Variants in CHST8 observed in about 807,000 individuals in gnomAD.
The protein encoded by CHST8 is carbohydrate sulfotransferase 8.
Under a neutral mutation model 15.0 loss-of-function variants are expected in CHST8, and 10 were observed. That is an observed-to-expected ratio of 0.67 (90% CI 0.41 to 1.13). CHST8 has a LOEUF of 1.13. Ranked by LOEUF, CHST8 falls within the 50% of genes most tolerant of loss-of-function variation. CHST8 has a pLI of 0.00. For synonymous variants in CHST8, 259 were observed against 256.6 expected (o/e 1.01, Z -0.09); for missense variants, 634 against 608.2 (o/e 1.04, Z -0.45).
chr19:33,755,215 C>T (rs749787393), intron 3 of CHST8, among the ~76,000 whole-genome samples: 6 of 151,602 alleles, frequency 4.0e-5, no homozygotes, highest in Non-Finnish European at 2.9e-5. Flanking sequence ...ATGCCCCTGT[C>T]AAAGCTCCCA....
intron 2 of CHST8, among the ~76,000 whole-genome samples, chr19:33,675,867 A>C (rs1198187900): frequency 6.6e-6 from 1 of 152,192 alleles, no homozygotes; most frequent in Non-Finnish European, 1.5e-5. Flanking sequence ...TTGAACCGGG[A>C]AGCATTGTTC....
At chr19:33,707,223 T>C (rs375238934) in intron 3 of CHST8, among the ~76,000 whole-genome samples, 11 of 152,292 alleles carry the variant, frequency 7.2e-5, no homozygotes, top group Admixed American at 5.9e-4. Flanking sequence ...CGGCTAACTT[T>C]CCAATTTTTC....
At chr19:33,694,956 C>T (rs1294549112) in intron 3 of CHST8, among the ~76,000 whole-genome samples, 4 of 103,518 alleles carry the variant, frequency 3.9e-5, no homozygotes, top group African/African-American at 1.3e-4. Flanking sequence ...CCCTTCTGTT[C>T]CCTTCCCTTC....
intron 3 of CHST8, among the ~76,000 whole-genome samples, chr19:33,695,831 T>C (rs1299051231): frequency 2.8e-5 from 4 of 142,920 alleles, no homozygotes; most frequent in East Asian, 2.0e-4. Flanking sequence ...CTTTTTTTTT[T>C]TTTTTTTTTT....
At position 33,773,289 on chromosome 19, in the gene CHST8, A is replaced by T; in HGVS notation, c.*226A>T. The T allele has an allele frequency of 1.7e-6, 1 of 579,954 alleles. No homozygotes were observed. The highest frequency in any genetic ancestry group is 3.0e-6 in the Non-Finnish European group (1 of 331,204). 35.9% of individuals were successfully genotyped at this position (579,954 alleles called of 1,614,324 possible). Reference sequence around the variant, plus strand: ...TGTTTCCTCATTCCTTGGCTGAGGGAGAGGCTGAGAACTGGGCAGACACCC... The same window carrying T: ...TGTTTCCTCATTCCTTGGCTGAGGGTGAGGCTGAGAACTGGGCAGACACCC... On this transcript the variant is annotated 3_prime_UTR_variant, in exon 5 of 5. Transcript: ENST00000650847.
intron 1 of CHST8, among the ~76,000 whole-genome samples, chr19:33,627,104 G>GT (rs1186664713): frequency 7.5e-5 from 9 of 120,730 alleles, no homozygotes; most frequent in Non-Finnish European, 1.6e-4. Context: ...TTTTTGGGGG[G>GT]GGGGCGGGTG....
chr19:33,772,689 C>A lies in CHST8; in HGVS notation c.901C>A (p.Arg301=). The A allele has an allele frequency of 6.2e-7, 1 of 1,613,632 alleles. No homozygotes were observed. Among genetic ancestry groups the A allele is most frequent in the Non-Finnish European group, 8.5e-7 (1 of 1,180,020 alleles). Residue 301 remains arginine (R), a synonymous_variant, in exon 5 of 5, where the codon CGG becomes AGG. Coordinates refer to ENST00000650847, the MANE Select transcript of CHST8 (RefSeq NM_001127895.2). ...CGCCAATGCCTCTCGGGAGGCCCTG[C>A]GGACCGGCTCTGGGGTGCGTTTTCC... ...YRANASREAL[R]TGSGVRFPEF...
chr19:33,694,930 CCCCTCCCCTCCCTTCCCCTTCTGTT>C (rs150236599), intron 3 of CHST8, among the ~76,000 whole-genome samples: 19,642 of 146,658 alleles, frequency 0.13, 1,386 homozygotes, highest in South Asian at 0.17. Context: ...CCCTTCCCCT[CCCCTCCCCTCCCTTCCCCTTCTGTT>C]CCCTTCCCTT....
chr19:33,672,646 G>A (rs1206221892), intron 2 of CHST8, among the ~76,000 whole-genome samples: 5 of 152,192 alleles, frequency 3.3e-5, no homozygotes, highest in South Asian at 2.1e-4. Context: ...CCGGGCAGTC[G>A]GGGCCCACAC....
intron 3 of CHST8, among the ~76,000 whole-genome samples, chr19:33,743,126 C>T (rs1385065888): frequency 6.6e-6 from 1 of 152,036 alleles, no homozygotes; most frequent in Non-Finnish European, 1.5e-5. Flanking sequence ...CAACATATGC[C>T]CCCTGATCCT....
At chr19:33,716,560 G>A (rs1373875204) in intron 3 of CHST8, among the ~76,000 whole-genome samples, 1 of 152,114 alleles carries the variant, frequency 6.6e-6, no homozygotes, top group African/African-American at 2.4e-5. Context: ...TAGAGACAAG[G>A]TCTTACTCTG....
chr19:33,668,362 A>G (rs2145229206), intron 2 of CHST8, among the ~76,000 whole-genome samples: 1 of 152,174 alleles, frequency 6.6e-6, no homozygotes, highest in Non-Finnish European at 1.5e-5. Context: ...TTCATCATGG[A>G]GCTGGGGGAA....
At chr19:33,635,610 G>C (rs940680268) in intron 1 of CHST8, among the ~76,000 whole-genome samples, 2 of 151,994 alleles carry the variant, frequency 1.3e-5, no homozygotes, top group African/African-American at 4.8e-5. Context: ...AAAGATGGGT[G>C]GGGGGGTGAC....
At chr19:33,670,350 C>T (rs76986698) in intron 2 of CHST8, among the ~76,000 whole-genome samples, 4,746 of 152,204 alleles carry the variant, frequency 0.031, 145 homozygotes, top group African/African-American at 0.088. Flanking sequence ...TGAAGTTTAC[C>T]GTATTTTTAA....
At chr19:33,723,196 T>C (rs1160538572) in intron 3 of CHST8, among the ~76,000 whole-genome samples, 1 of 152,214 alleles carries the variant, frequency 6.6e-6, no homozygotes, top group Non-Finnish European at 1.5e-5. Flanking sequence ...CGTGCATGCC[T>C]GGAGGCTGAA....
At chr19:33,685,879 C>T (rs565833766) in intron 2 of CHST8, among the ~76,000 whole-genome samples, 3 of 152,274 alleles carry the variant, frequency 2.0e-5, no homozygotes, top group South Asian at 2.1e-4. Flanking sequence ...GGGGATCTGT[C>T]GGTGACCACC....
At chr19:33,751,572 G>A (rs1391563798) in intron 3 of CHST8, among the ~76,000 whole-genome samples, 1 of 152,158 alleles carries the variant, frequency 6.6e-6, no homozygotes, top group Non-Finnish European at 1.5e-5. Context: ...CTTAATGATA[G>A]TGAGACGTTC....
intron 1 of CHST8, among the ~76,000 whole-genome samples, chr19:33,630,241 ACAC>A (rs1972105145): frequency 6.6e-6 from 1 of 152,218 alleles, no homozygotes; most frequent in South Asian, 2.1e-4. Flanking sequence ...AGTTGAGCAA[ACAC>A]AAGCAGGTTA....
chr19:33,628,376 T>G (rs1459098475), intron 1 of CHST8, among the ~76,000 whole-genome samples: 2 of 152,190 alleles, frequency 1.3e-5, no homozygotes, highest in Non-Finnish European at 2.9e-5. Context: ...TATGAACTGC[T>G]GCAGAGTAGG....
Sources: allele counts gnomAD v4.1 joint callset (sites outside exome capture counted in the v4.1 genomes callset), GRCh38; gene constraint gnomAD v4.1.1; transcripts MANE v1.5; gene names NCBI Gene and HGNC (gene_info 2026-07-23, HGNC 2026-07-21).